Variants in CDH19 observed in about 807,000 individuals in gnomAD.
CDH19 encodes the protein cadherin-19.
CDH19 carries 67 observed loss-of-function variants against 64.2 expected under a neutral mutation model. The observed-to-expected ratio is 1.04, with a 90% confidence interval of 0.86 to 1.28. The LOEUF is 1.28. Ranked by LOEUF, CDH19 falls within the 50% of genes most tolerant of loss-of-function variation. The pLI, the probability that CDH19 is intolerant of heterozygous loss-of-function variation, is 0.00. For synonymous variants in CDH19, 346 were observed against 319.3 expected (o/e 1.08, Z -0.89); for missense variants, 1,030 against 929.0 (o/e 1.11, Z -1.41).
At chr18:66,563,389 C>G (rs776173067) in intron 3 of CDH19, among the ~76,000 whole-genome samples, 1 of 151,988 alleles carries the variant, frequency 6.6e-6, no homozygotes, top group African/African-American at 2.4e-5. Context: ...AATGGAAAAG[C>G]TATTTTTACA....
At chr18:66,593,681 T>G (rs1366800067) in intron 1 of CDH19, among the ~76,000 whole-genome samples, 1 of 152,128 alleles carries the variant, frequency 6.6e-6, no homozygotes, top group East Asian at 1.9e-4. Context: ...TTCTGGTTAT[T>G]TCTTCCACTA....
At chr18:66,510,186 G>A (rs1175228582) in intron 10 of CDH19, among the ~76,000 whole-genome samples, 1 of 151,706 alleles carries the variant, frequency 6.6e-6, no homozygotes. Context: ...TGAAATGCAT[G>A]CTTAAGTAGG....
At chr18:66,531,174 T>A (rs139942940) in intron 8 of CDH19, among the ~76,000 whole-genome samples, 2 of 152,178 alleles carry the variant, frequency 1.3e-5, no homozygotes, top group African/African-American at 4.8e-5. Context: ...GTCTAAGGTA[T>A]CAGTATTTGA....
At chr18:66,513,318 AG>A (rs1985582553) in intron 9 of CDH19, among the ~76,000 whole-genome samples, 1 of 151,518 alleles carries the variant, frequency 6.6e-6, no homozygotes, top group Non-Finnish European at 1.5e-5. Context: ...GCATATGTAC[AG>A]GAAACTGAAT....
At chr18:66,555,045 T>C (rs1047343591) in intron 3 of CDH19, among the ~76,000 whole-genome samples, 1 of 151,844 alleles carries the variant, frequency 6.6e-6, no homozygotes, top group African/African-American at 2.4e-5. Context: ...TTCTCTAATA[T>C]ACCTACTTCC....
chr18:66,559,462 G>C (rs952361283), intron 3 of CDH19, among the ~76,000 whole-genome samples: 13 of 151,550 alleles, frequency 8.6e-5, no homozygotes, highest in African/African-American at 3.1e-4. Context: ...CCTAGACAAT[G>C]CAATGAGGCA....
intron 3 of CDH19, among the ~76,000 whole-genome samples, chr18:66,557,984 T>C (rs1177499420): frequency 2.0e-5 from 3 of 151,746 alleles, no homozygotes; most frequent in Non-Finnish European, 2.9e-5. Context: ...AGGGCAAATA[T>C]TCTTGTCTGA....
At chr18:66,544,308 T>G in intron 6 of CDH19, 84 bp from the exon 7 acceptor site, 1 of 1,283,356 alleles carries the variant, frequency 7.8e-7, no homozygotes, top group Non-Finnish European at 1.1e-6. Flanking sequence ...CCTGTTAAAT[T>G]AAGTCTCAGT....
chr18:66,504,770 A>G lies in CDH19; in HGVS notation c.*42T>C. On this transcript the variant is annotated 3_prime_UTR_variant, in exon 12 of 12. Coordinates refer to ENST00000262150, the MANE Select transcript of CDH19 (RefSeq NM_021153.4). ...CTCTTTAAGACTACCATTGGGTTCG[A>G]ATACACATTAGCACTTTTAAAAATT... The G allele has an allele frequency of 6.5e-7, 1 of 1,549,034 alleles. No individual in the cohort carries two copies. The highest frequency in any genetic ancestry group is 8.7e-7 in the Non-Finnish European group (1 of 1,144,612).
chr18:66,597,254 CA>C (rs1391994322), intron 1 of CDH19, among the ~76,000 whole-genome samples: 7 of 145,146 alleles, frequency 4.8e-5, no homozygotes, highest in Non-Finnish European at 1.1e-4. Context: ...GGTACTGGTA[CA>C]AAAACAGACT....
intron 3 of CDH19, among the ~76,000 whole-genome samples, chr18:66,564,917 C>T (rs1987853905): frequency 6.7e-6 from 1 of 149,896 alleles, no homozygotes; most frequent in Admixed American, 6.7e-5. Flanking sequence ...GCAAATATTA[C>T]TGAAATGGAA....
intron 3 of CDH19, among the ~76,000 whole-genome samples, chr18:66,559,677 AAT>A (rs61389021): frequency 6.7e-5 from 10 of 150,202 alleles, no homozygotes; most frequent in African/African-American, 1.2e-4. Flanking sequence ...TTAATATATG[AAT>A]ATATATATGT....
At chr18:66,526,130 T>C (rs1349552677) in intron 9 of CDH19, among the ~76,000 whole-genome samples, 1 of 152,138 alleles carries the variant, frequency 6.6e-6, no homozygotes, top group Non-Finnish European at 1.5e-5. Context: ...ATGATTAGCA[T>C]GGAATATGGG....
chr18:66,535,798 A>G (rs965921943), intron 7 of CDH19, among the ~76,000 whole-genome samples: 2 of 143,810 alleles, frequency 1.4e-5, no homozygotes, highest in Non-Finnish European at 3.0e-5. Flanking sequence ...TTTTATGCAT[A>G]TATATGTAAT....
At position 66,504,035 on chromosome 18, in the gene CDH19, C is replaced by T. The variant is rs1985059621; in HGVS notation, c.*777G>A. On this transcript the variant is annotated 3_prime_UTR_variant, in exon 12 of 12. Coordinates refer to ENST00000262150, the MANE Select transcript of CDH19 (RefSeq NM_021153.4). ...GATGAAAATTGAGTAAATAAAATAACACTAAGATATCTTAATTCAGTGCCT... is the reference window on the plus strand; with the variant it reads ...GATGAAAATTGAGTAAATAAAATAATACTAAGATATCTTAATTCAGTGCCT... The T allele has an allele frequency of 6.6e-6, 1 of 151,836 alleles. No individual in the cohort carries two copies. Among genetic ancestry groups the T allele is most frequent in the South Asian group, 2.1e-4 (1 of 4,826 alleles). The allele number at this position is 151,836 out of a possible 1,614,324, so 9.4% of individuals were successfully genotyped here.
intron 1 of CDH19, among the ~76,000 whole-genome samples, chr18:66,578,299 AT>A (rs1412222019): frequency 1.3e-5 from 2 of 151,974 alleles, no homozygotes; most frequent in African/African-American, 2.4e-5. Flanking sequence ...ATTCATCACA[AT>A]TTTTTTAAAT....
rs1255578836 is a variant in CDH19, at chr18:66,577,240, T to G, written c.-112-4924A>C. ...ATTTTTATAAAACTTACATGCTCAT[T>G]CTATAATTATATATGCAAAAGCATG... is the stretch of plus-strand genomic sequence containing the variant. On this transcript the variant is annotated intron_variant, in intron 1 of 11. Transcript: ENST00000262150. Among the ~76,000 whole-genome samples the G allele has an allele frequency of 2.0e-5, 3 of 151,882 alleles. No homozygotes were observed. The Admixed American group carries it at 2.0e-4, about 10-fold the overall frequency.
chr18:66,516,965 A>G (rs914202168), intron 9 of CDH19, among the ~76,000 whole-genome samples: 1 of 152,112 alleles, frequency 6.6e-6, no homozygotes, highest in African/African-American at 2.4e-5. Flanking sequence ...TGATGTCCAT[A>G]TGTCTTTTTT....
Position 66,504,480 on chromosome 18 carries a change from C to T in CDH19, c.*332G>A, listed in dbSNP as rs116181347. 0.02 allele frequency: 3,773 copies of T among 191,862 alleles called. 132 individuals carry two copies. The highest frequency in any genetic ancestry group is 0.076 in the African/African-American group (3,295 of 43,072). 11.9% of individuals were successfully genotyped at this position (191,862 alleles called of 1,614,324 possible). A position where few individuals can be genotyped will look rare whatever the true frequency, so the allele number is the denominator to read the frequency against. On this transcript the variant is annotated 3_prime_UTR_variant, in exon 12 of 12. Coordinates refer to ENST00000262150, the MANE Select transcript of CDH19 (RefSeq NM_021153.4). ...TAAATTTTCTCGTTTGGTATTTTTA[C>T]TCTTTCCTAAGTAAATAATGATATA...
Sources: gnomAD v4.1 joint callset for allele counts (sites outside exome capture counted in the v4.1 genomes callset) on GRCh38, gnomAD v4.1.1 for gene constraint, MANE v1.5 for transcripts, NCBI Gene and HGNC (gene_info 2026-07-23, HGNC 2026-07-21) for gene names.